VPS13A: variants seen among roughly 807,000 people sequenced by gnomAD.
VPS13A encodes intermembrane lipid transfer protein VPS13A.
VPS13A carries 264 observed loss-of-function variants against 390.9 expected under a neutral mutation model. The ratio of observed to expected loss-of-function variants is 0.68; its 90% CI spans 0.61 to 0.75. The LOEUF is 0.75. Among genes scored for constraint, VPS13A ranks in the 30% least tolerant of loss-of-function variants. VPS13A has a pLI of 0.00. For missense variants in VPS13A, 3,409 were observed against 3,733.9 expected (o/e 0.91, Z 2.27); for synonymous variants, 1,231 against 1,227.1 (o/e 1.00, Z -0.07).
At chr9:77,390,477 C>T (rs923827629) in intron 68 of VPS13A, among the ~76,000 whole-genome samples, 20 of 152,114 alleles carry the variant, frequency 1.3e-4, no homozygotes, top group African/African-American at 4.6e-4. Context: ...GAGTAAGGAA[C>T]CCCACTTAGA....
intron 44 of VPS13A, among the ~76,000 whole-genome samples, chr9:77,322,527 T>C (rs989050528): frequency 6.6e-6 from 1 of 150,656 alleles, no homozygotes; most frequent in Non-Finnish European, 1.5e-5. Flanking sequence ...AATGTTCTTA[T>C]AAATTTTACG....
rs984027127 is a variant in VPS13A at position 77,416,483 on chromosome 9, G to T, written c.*477G>T. The T allele has an allele frequency of 6.4e-6, 1 of 156,144 alleles. No homozygotes were observed. The allele number at this position is 156,144 out of a possible 1,614,324, so 9.7% of individuals were successfully genotyped here. On this transcript the variant is annotated 3_prime_UTR_variant, in exon 72 of 72. Coordinates refer to ENST00000360280, the MANE Select transcript of VPS13A (RefSeq NM_033305.3). ...TCAGTGGTATCAAGAGAACTTTGGTGGTGGTTTCTTCAGAATCATGAAGTT... is the reference window on the plus strand; with the variant it reads ...TCAGTGGTATCAAGAGAACTTTGGTTGTGGTTTCTTCAGAATCATGAAGTT...
chr9:77,318,889 T>C lies in VPS13A; in HGVS notation c.5313+298T>C, dbSNP rs17348587. On this transcript the variant is annotated intron_variant, in intron 41 of 71. Transcript: ENST00000360280. ...ACAGTTGTTGATTAGATTCAGAATA[T>C]TTTTTTTAAAGAGTTAAATTGAGGC... Among the ~76,000 whole-genome samples, 30,562 of 151,822 alleles carry C rather than the reference T, an allele frequency of 0.2. 3,285 individuals are homozygous for C. The highest frequency in any genetic ancestry group is 0.26 in the Middle Eastern group (75 of 294).
At chr9:77,383,640 G>C (rs1833550673) in intron 68 of VPS13A, among the ~76,000 whole-genome samples, 1 of 151,926 alleles carries the variant, frequency 6.6e-6, no homozygotes, top group Non-Finnish European at 1.5e-5. Context: ...AATTTCTCAT[G>C]GTTGATAATT....
chr9:77,315,034 T>G (rs952595008), intron 37 of VPS13A, among the ~76,000 whole-genome samples: 2 of 152,180 alleles, frequency 1.3e-5, no homozygotes, highest in African/African-American at 4.8e-5. Flanking sequence ...CAAACTCTTA[T>G]AATTTATTGA....
At chr9:77,201,653 A>G (rs1196902960) in intron 3 of VPS13A, among the ~76,000 whole-genome samples, 1 of 152,152 alleles carries the variant, frequency 6.6e-6, no homozygotes, top group African/African-American at 2.4e-5. Flanking sequence ...GAGTTAATTC[A>G]AAGGATTACC....
At chr9:77,178,495 G>T (rs941163528) in intron 1 of VPS13A, among the ~76,000 whole-genome samples, 1 of 152,232 alleles carries the variant, frequency 6.6e-6, no homozygotes, top group Non-Finnish European at 1.5e-5. Flanking sequence ...CTAGGAATGT[G>T]TAACATTTTC....
intron 1 of VPS13A, among the ~76,000 whole-genome samples, chr9:77,195,727 A>G (rs1445295657): frequency 2.0e-5 from 3 of 151,696 alleles, no homozygotes; most frequent in Non-Finnish European, 1.5e-5. Context: ...ACACAGCGAG[A>G]CTCCGTCTCA....
intron 31 of VPS13A, among the ~76,000 whole-genome samples, chr9:77,287,762 A>G (rs1352602602): frequency 6.6e-6 from 1 of 152,200 alleles, no homozygotes; most frequent in Non-Finnish European, 1.5e-5. Flanking sequence ...AAGAGCAACT[A>G]TAAAAGCCTT....
intron 45 of VPS13A, among the ~76,000 whole-genome samples, chr9:77,328,104 C>T (rs1351661013): frequency 2.0e-5 from 3 of 152,144 alleles, no homozygotes; most frequent in Admixed American, 1.3e-4. Flanking sequence ...GTTGAAATTA[C>T]TCCTTGATCA....
intron 23 of VPS13A, among the ~76,000 whole-genome samples, chr9:77,270,307 A>C (rs1400796119): frequency 6.6e-6 from 1 of 152,222 alleles, no homozygotes; most frequent in Non-Finnish European, 1.5e-5. Context: ...AGTGGAAATG[A>C]GGAACATGTT....
At chr9:77,295,339 A>G (rs1827920040) in intron 32 of VPS13A, among the ~76,000 whole-genome samples, 1 of 151,962 alleles carries the variant, frequency 6.6e-6, no homozygotes, top group Non-Finnish European at 1.5e-5. Context: ...CTAGATTTTT[A>G]TTTTATCTGT....
chr9:77,299,018 T>A (rs1246007298), intron 33 of VPS13A, among the ~76,000 whole-genome samples: 4 of 152,170 alleles, frequency 2.6e-5, no homozygotes, highest in African/African-American at 4.8e-5. Context: ...AAATAGGGAA[T>A]CCTTTCCCCA....
chr9:77,391,392 C>T (rs572178738), intron 68 of VPS13A, among the ~76,000 whole-genome samples: 1 of 152,308 alleles, frequency 6.6e-6, no homozygotes, highest in Non-Finnish European at 1.5e-5. Context: ...TGAAAGTTAT[C>T]ATGCAAAATC....
In VPS13A at chr9:77,226,558, A is replaced by G. The variant is rs1362150461; in HGVS notation, c.1317A>G (p.Glu439=). ...GWFSWLWSWS[E]QNTNEQQPDV... ...TTAGCTGGCTATGGTCTTGGTCAGA[A>G]CAAAATACTAATGAACAGCAACCAG... Residue 439 remains glutamate (E), a synonymous_variant, in exon 15 of 72, where the codon GAA becomes GAG. Coordinates refer to ENST00000360280, the MANE Select transcript of VPS13A (RefSeq NM_033305.3). 6.2e-7 allele frequency: 1 copy of G among 1,613,136 alleles called. No homozygotes were observed. Among genetic ancestry groups the G allele is most frequent in the South Asian group, 1.1e-5 (1 of 91,040 alleles).
At chr9:77,234,771 ATT>A in intron 17 of VPS13A, among the ~76,000 whole-genome samples, 2 of 151,962 alleles carry the variant, frequency 1.3e-5, no homozygotes, top group Non-Finnish European at 2.9e-5. Flanking sequence ...GTGTTTGTTA[ATT>A]TTTTGGGGGA....
chr9:77,332,851 A>G (rs574663812), intron 46 of VPS13A, among the ~76,000 whole-genome samples: 2 of 152,326 alleles, frequency 1.3e-5, no homozygotes, highest in South Asian at 4.1e-4. Context: ...ATGCTACAGA[A>G]GGACAGAGGC....
intron 46 of VPS13A, among the ~76,000 whole-genome samples, chr9:77,333,133 T>TA (rs1238673935): frequency 6.6e-6 from 1 of 152,202 alleles, no homozygotes; most frequent in Non-Finnish European, 1.5e-5. Context: ...GCATGTAAGA[T>TA]ATATTTAAAA....
At chr9:77,399,181 T>TAAAAAAAAAAAAAAAA (rs1223344360) in intron 68 of VPS13A, among the ~76,000 whole-genome samples, 24 of 34,972 alleles carry the variant, frequency 6.9e-4, no homozygotes, top group Admixed American at 1.7e-3. Context: ...AAAAAAAAAA[T>TAAAAAAAAAAAAAAAA]AAAAAAAAAA....
Sources: allele counts gnomAD v4.1 joint callset (sites outside exome capture counted in the v4.1 genomes callset), GRCh38; gene constraint gnomAD v4.1.1; transcripts MANE v1.5; gene names NCBI Gene and HGNC (gene_info 2026-07-23, HGNC 2026-07-21).